KCNH5: variants seen among roughly 807,000 people sequenced by gnomAD.
KCNH5 encodes voltage-gated delayed rectifier potassium channel KCNH5.
A neutral mutation model predicts 96.1 loss-of-function variants in KCNH5; 46 were observed. That is an observed-to-expected ratio of 0.48 (90% confidence interval 0.38 to 0.61). The LOEUF is 0.61. Among genes scored for constraint, KCNH5 ranks in the 20% least tolerant of loss-of-function variants. The probability of loss-of-function intolerance (pLI) is 0.00; values close to 1 mark genes in which losing one functional copy is unlikely to be tolerated. For missense variants in KCNH5, 907 were observed against 1,225.8 expected, an observed-to-expected ratio of 0.74 and a Z score of 3.88; for synonymous variants, 439 against 449.8, an observed-to-expected ratio of 0.98 and a Z score of 0.30.
intron 9 of KCNH5, among the ~76,000 whole-genome samples, chr14:62,789,986 T>G (rs1437111182): frequency 6.6e-6 from 1 of 151,906 alleles, no homozygotes; most frequent in African/African-American, 2.4e-5. Flanking sequence ...AAGGCCAATA[T>G]CAAGGTGTTT....
intron 10 of KCNH5, among the ~76,000 whole-genome samples, chr14:62,757,131 A>T (rs1311112772): frequency 1.3e-5 from 2 of 152,246 alleles, no homozygotes; most frequent in Non-Finnish European, 2.9e-5. Context: ...AAAAATGGGC[A>T]AAAGATCTGA....
intron 7 of KCNH5, among the ~76,000 whole-genome samples, chr14:62,867,081 T>C (rs916760522): frequency 6.6e-6 from 1 of 152,160 alleles, no homozygotes; most frequent in Non-Finnish European, 1.5e-5. Context: ...CCGCAACTTA[T>C]TCATCTCCCC....
chr14:63,000,560 T>C (rs567740147), intron 4 of KCNH5, among the ~76,000 whole-genome samples: 1 of 152,320 alleles, frequency 6.6e-6, no homozygotes, highest in East Asian at 1.9e-4. Flanking sequence ...CTTTCCATAA[T>C]CTAGCAACAT....
chr14:62,780,911 A>G (rs1015450850), intron 9 of KCNH5, among the ~76,000 whole-genome samples: 4 of 152,212 alleles, frequency 2.6e-5, no homozygotes, highest in Admixed American at 2.6e-4. Context: ...ACATCTTCCT[A>G]GAGGCACTCT....
intron 7 of KCNH5, among the ~76,000 whole-genome samples, chr14:62,931,609 A>G (rs1889582825): frequency 2.0e-5 from 3 of 152,196 alleles, no homozygotes; most frequent in African/African-American, 7.2e-5. Flanking sequence ...ATCTTAAACC[A>G]GCAGAAAGGA....
At chr14:62,717,267 T>C (rs1884706367) in intron 10 of KCNH5, among the ~76,000 whole-genome samples, 1 of 152,172 alleles carries the variant, frequency 6.6e-6, no homozygotes, top group Admixed American at 6.5e-5. Flanking sequence ...AGCCCATTTT[T>C]CAGAAATTGA....
intron 10 of KCNH5, among the ~76,000 whole-genome samples, chr14:62,742,482 C>T (rs1885291068): frequency 6.6e-6 from 1 of 151,974 alleles, no homozygotes; most frequent in South Asian, 2.1e-4. Context: ...TTAGAATTAC[C>T]CAGAGAACTT....
chr14:62,980,735 T>C (rs895464510), intron 6 of KCNH5, 137 bp downstream of exon 6: 2 of 828,262 alleles, frequency 2.4e-6, no homozygotes, highest in Non-Finnish European at 3.6e-6. Context: ...TCAAATATAA[T>C]AACTTTTGGC....
intron 1 of KCNH5, among the ~76,000 whole-genome samples, chr14:63,044,121 C>T (rs993469018): frequency 3.9e-5 from 6 of 152,060 alleles, no homozygotes; most frequent in Admixed American, 6.6e-5. Flanking sequence ...CATTATTCTC[C>T]AAGCAAGAGA....
chr14:62,866,590 T>C (rs1433117432), intron 7 of KCNH5, among the ~76,000 whole-genome samples: 2 of 152,112 alleles, frequency 1.3e-5, no homozygotes, highest in Non-Finnish European at 2.9e-5. Context: ...TCCTGTCAGG[T>C]ACTACATAAC....
chr14:62,802,711 G>A (rs999815762), intron 8 of KCNH5, 130 bp from the exon 9 acceptor site: 1 of 1,125,148 alleles, frequency 8.9e-7, no homozygotes, highest in South Asian at 1.6e-5. Context: ...GCTGGGTACT[G>A]GGAAGGCAAA....
At chr14:62,942,423 G>A (rs1334745757) in intron 7 of KCNH5, among the ~76,000 whole-genome samples, 5 of 152,034 alleles carry the variant, frequency 3.3e-5, no homozygotes, top group South Asian at 2.1e-4. Context: ...TTCCTTTTCC[G>A]GTGGGGAGAA....
At chr14:62,851,848 T>C (rs1161099771) in intron 7 of KCNH5, among the ~76,000 whole-genome samples, 1 of 152,168 alleles carries the variant, frequency 6.6e-6, no homozygotes, top group African/African-American at 2.4e-5. Context: ...AAATGTCTTA[T>C]TACTGCCTTC....
intron 4 of KCNH5, 148 bp downstream of exon 4, chr14:63,001,183 T>C (rs1033657707): frequency 9.6e-6 from 6 of 625,630 alleles, no homozygotes; most frequent in East Asian, 3.1e-5. Context: ...AACAGTATGA[T>C]TGAATAAAAC....
chr14:62,899,193 G>A (rs1370829734), intron 7 of KCNH5, among the ~76,000 whole-genome samples: 1 of 151,968 alleles, frequency 6.6e-6, no homozygotes, highest in Non-Finnish European at 1.5e-5. Context: ...AGCAAGTCTT[G>A]AAAATTTCAA....
intron 10 of KCNH5, among the ~76,000 whole-genome samples, chr14:62,734,983 A>T (rs1217570351): frequency 6.6e-6 from 1 of 152,190 alleles, no homozygotes; most frequent in African/African-American, 2.4e-5. Flanking sequence ...AAAGTCTTGC[A>T]CTATGTACTC....
Position 63,018,135 on chromosome 14 carries a change from G to A in KCNH5, c.74-1181C>T, listed in dbSNP as rs117656665. On this transcript the variant is annotated intron_variant, in intron 1 of 10. Coordinates refer to ENST00000322893, the MANE Select transcript of KCNH5 (RefSeq NM_139318.5). ...TGAAGCCACTAGGAAGCAACGGAAA[G>A]TAGGCACAAACTGGAAAAGATAAAC... Among the ~76,000 whole-genome samples the A allele has an allele frequency of 7.2e-4, 109 of 152,126 alleles. 1 individual carries two copies. In the East Asian group the frequency reaches 0.02, roughly 28 times the overall value.
intron 10 of KCNH5, among the ~76,000 whole-genome samples, chr14:62,766,690 G>A (rs1226989345): frequency 6.6e-6 from 1 of 152,122 alleles, no homozygotes; most frequent in African/African-American, 2.4e-5. Flanking sequence ...TGGGATGGGT[G>A]GTGGGGCCTG....
chr14:62,849,929 T>G, intron 7 of KCNH5, 77 bp from the exon 8 acceptor site: 1 of 1,162,142 alleles, frequency 8.6e-7, no homozygotes, highest in Non-Finnish European at 1.3e-6. Flanking sequence ...AATCAATGAA[T>G]AATTTGACAG....
Sources: allele counts gnomAD v4.1 joint callset (sites outside exome capture counted in the v4.1 genomes callset), GRCh38; gene constraint gnomAD v4.1.1; transcripts MANE v1.5; gene names NCBI Gene and HGNC (gene_info 2026-07-23, HGNC 2026-07-21).